Variants in LRRC4C observed in about 807,000 individuals in gnomAD.
The protein encoded by LRRC4C is leucine-rich repeat-containing protein 4C.
Under a neutral mutation model 33.6 loss-of-function variants are expected in LRRC4C, and 5 were observed. The ratio of observed to expected loss-of-function variants is 0.15; its 90% CI spans 0.08 to 0.31. LRRC4C has a LOEUF of 0.31. LRRC4C is among the 10% of genes least tolerant of loss of function. The pLI is 1.00. For missense variants in LRRC4C, 560 were observed against 796.7 expected (o/e 0.70, Z 3.58); for synonymous variants, 329 against 302.0 (o/e 1.09, Z -0.93).
intron 3 of LRRC4C, among the ~76,000 whole-genome samples, chr11:40,617,864 A>T (rs1962022002): frequency 6.6e-6 from 1 of 151,800 alleles, no homozygotes; most frequent in Non-Finnish European, 1.5e-5. Context: ...GTGTTGACCT[A>T]CCTGGTTGAC....
intron 3 of LRRC4C, among the ~76,000 whole-genome samples, chr11:40,505,659 A>T (rs912839669): frequency 6.6e-6 from 1 of 152,176 alleles, no homozygotes; most frequent in Admixed American, 6.5e-5. Context: ...TATGTCAGGC[A>T]TTGGCCCATG....
At chr11:40,222,279 G>A (rs1203631979) in intron 5 of LRRC4C, among the ~76,000 whole-genome samples, 1 of 152,074 alleles carries the variant, frequency 6.6e-6, no homozygotes, top group Non-Finnish European at 1.5e-5. Flanking sequence ...TTGCTATTGG[G>A]AAAATCATTT....
intron 1 of LRRC4C, among the ~76,000 whole-genome samples, chr11:41,318,750 T>C (rs60707246): frequency 0.018 from 2,699 of 152,314 alleles, 77 homozygotes; most frequent in African/African-American, 0.062. Context: ...TGTGTGTCTG[T>C]GTTTGTGTGT....
At chr11:40,424,246 G>A (rs1333805791) in intron 3 of LRRC4C, among the ~76,000 whole-genome samples, 2 of 152,144 alleles carry the variant, frequency 1.3e-5, no homozygotes, top group Non-Finnish European at 2.9e-5. Flanking sequence ...CTTTAGTGAA[G>A]CGTGAACTAA....
intron 3 of LRRC4C, among the ~76,000 whole-genome samples, chr11:40,589,734 TG>T (rs1456587255): frequency 6.6e-6 from 1 of 151,520 alleles, no homozygotes; most frequent in African/African-American, 2.4e-5. Context: ...CCTTCACTTA[TG>T]AAACTTAGTT....
chr11:40,752,760 C>T (rs1948755355), intron 2 of LRRC4C, among the ~76,000 whole-genome samples: 1 of 152,054 alleles, frequency 6.6e-6, no homozygotes, highest in African/African-American at 2.4e-5. Context: ...TCCAGCAATG[C>T]CACTACTGGG....
chr11:41,144,019 T>C (rs1943625833), intron 1 of LRRC4C, among the ~76,000 whole-genome samples: 1 of 152,192 alleles, frequency 6.6e-6, no homozygotes, highest in South Asian at 2.1e-4. Flanking sequence ...AGATGCCACG[T>C]GCTCAATTTC....
intron 3 of LRRC4C, among the ~76,000 whole-genome samples, chr11:40,587,959 C>A (rs547113345): frequency 2.6e-5 from 4 of 152,008 alleles, no homozygotes; most frequent in South Asian, 2.1e-4. Context: ...TGTCTCTGCC[C>A]GGCTTTGGTA....
At chr11:40,928,579 C>A (rs1957488272) in intron 2 of LRRC4C, among the ~76,000 whole-genome samples, 1 of 151,978 alleles carries the variant, frequency 6.6e-6, no homozygotes, top group South Asian at 2.1e-4. Context: ...CTGTGGCCAG[C>A]AGCCTTCTTA....
In LRRC4C at chr11:40,219,519, G is replaced by C. The variant is rs77351798; in HGVS notation, c.-96+22000C>G. ...TATTCTATAAATACCTGTTAAATGAGTAAATTGATTGAAACATAACCATTC... is the reference window on the plus strand; with the variant it reads ...TATTCTATAAATACCTGTTAAATGACTAAATTGATTGAAACATAACCATTC... On this transcript the variant is annotated intron_variant, in intron 5 of 6. Transcript: ENST00000528697. Among the ~76,000 whole-genome samples, 565 of 152,238 alleles carry C rather than the reference G, an allele frequency of 3.7e-3. 2 individuals are homozygous for C. The highest frequency in any genetic ancestry group is 5.4e-3 in the Non-Finnish European group (365 of 68,028).
chr11:40,524,776 A>G (rs1955969676), intron 3 of LRRC4C, among the ~76,000 whole-genome samples: 1 of 152,184 alleles, frequency 6.6e-6, no homozygotes, highest in Admixed American at 6.5e-5. Flanking sequence ...GGGCTTTGCT[A>G]GGCCTTTAAG....
At chr11:40,694,012 G>T (rs1384496307) in intron 2 of LRRC4C, among the ~76,000 whole-genome samples, 1 of 152,078 alleles carries the variant, frequency 6.6e-6, no homozygotes, top group Non-Finnish European at 1.5e-5. Context: ...TATTGAGACC[G>T]TGAAAAACAA....
intron 4 of LRRC4C, among the ~76,000 whole-genome samples, chr11:40,304,337 C>T (rs1944923166): frequency 6.6e-6 from 1 of 152,024 alleles, no homozygotes; most frequent in South Asian, 2.1e-4. Flanking sequence ...AATTAATTTC[C>T]TGGGAAGAAC....
chr11:40,815,668 C>A (rs1476621754), intron 2 of LRRC4C, among the ~76,000 whole-genome samples: 1 of 152,124 alleles, frequency 6.6e-6, no homozygotes. Flanking sequence ...TCCCAAGGAG[C>A]ACCAGTCTCA....
intron 1 of LRRC4C, among the ~76,000 whole-genome samples, chr11:41,286,527 G>A (rs116217007): frequency 6.2e-4 from 94 of 152,264 alleles, no homozygotes; most frequent in African/African-American, 2.2e-3. Flanking sequence ...TCCAGTGAGA[G>A]CTCTAATAGA....
At chr11:41,035,947 A>G (rs1857036371) in intron 1 of LRRC4C, among the ~76,000 whole-genome samples, 1 of 152,130 alleles carries the variant, frequency 6.6e-6, no homozygotes, top group Non-Finnish European at 1.5e-5. Flanking sequence ...AAACTCATAA[A>G]TATTAGAGCC....
At chr11:40,237,570 C>A (rs992841647) in intron 5 of LRRC4C, among the ~76,000 whole-genome samples, 11 of 152,110 alleles carry the variant, frequency 7.2e-5, no homozygotes, top group African/African-American at 2.4e-4. Flanking sequence ...ACGTTGGCAC[C>A]CAATAAATGT....
intron 2 of LRRC4C, among the ~76,000 whole-genome samples, chr11:40,676,583 A>G (rs566692434): frequency 6.6e-6 from 1 of 152,268 alleles, no homozygotes; most frequent in South Asian, 2.1e-4. Context: ...TTGCCTTCCA[A>G]AACTATGCAA....
intron 3 of LRRC4C, among the ~76,000 whole-genome samples, chr11:40,420,514 A>G (rs993985444): frequency 1.3e-5 from 2 of 152,166 alleles, no homozygotes; most frequent in Non-Finnish European, 2.9e-5. Flanking sequence ...CATTTGTTCT[A>G]AAGTCCTTTA....
Sources: allele counts gnomAD v4.1 joint callset (sites outside exome capture counted in the v4.1 genomes callset), GRCh38; gene constraint gnomAD v4.1.1; transcripts MANE v1.5; gene names NCBI Gene and HGNC (gene_info 2026-07-23, HGNC 2026-07-21).